Variants in SUPT3H observed in about 807,000 individuals in gnomAD.
SUPT3H encodes the protein SPT3 homolog, SAGA and STAGA complex component.
In SUPT3H, 44 loss-of-function variants were observed where a neutral mutation model predicts 44.3. That is an observed-to-expected ratio of 0.99 (90% CI 0.78 to 1.28). SUPT3H has a LOEUF of 1.28. Among genes scored for constraint, SUPT3H ranks in the 50% most tolerant of loss-of-function variants. SUPT3H has a pLI of 0.00. For synonymous variants in SUPT3H, 124 were observed against 125.6 expected, an observed-to-expected ratio of 0.99 and a Z score of 0.09; for missense variants, 380 against 387.1, an observed-to-expected ratio of 0.98 and a Z score of 0.15.
intron 2 of SUPT3H, among the ~76,000 whole-genome samples, chr6:45,181,647 A>G (rs1418900828): frequency 1.4e-5 from 2 of 146,132 alleles, no homozygotes; most frequent in Admixed American, 1.4e-4. Flanking sequence ...ATTCTCCCTC[A>G]TAAGTGGGAA....
At chr6:45,375,826 T>TAA (rs552598332) in intron 1 of SUPT3H, among the ~76,000 whole-genome samples, 7 of 145,206 alleles carry the variant, frequency 4.8e-5, no homozygotes, top group African/African-American at 1.5e-4. Context: ...ACACTTGCTT[T>TAA]AAAAAAAAAA....
intron 10 of SUPT3H, among the ~76,000 whole-genome samples, chr6:44,928,981 G>A (rs544614741): frequency 3.3e-5 from 5 of 151,544 alleles, no homozygotes; most frequent in East Asian, 1.9e-4. Flanking sequence ...GAGTGGGGAC[G>A]GATGGTGTGT....
At position 44,917,667 on chromosome 6, in the gene SUPT3H, A is replaced by G. The variant is rs979742313; in HGVS notation, c.912+14986T>C. ...AATGAAGCCTCATGAGTCTTTTAGA[A>G]TAAATACCTCCAGGCTAGGTGGGAC... On this transcript the variant is annotated intron_variant, in intron 10 of 10. Coordinates refer to ENST00000371459, the MANE Select transcript of SUPT3H (RefSeq NM_003599.4). Among the ~76,000 whole-genome samples, 14 of 152,208 alleles carry G rather than the reference A, an allele frequency of 9.2e-5. No individual in the cohort carries two copies. The East Asian group carries it at 2.5e-3, about 27-fold the overall frequency.
chr6:45,086,587 C>T (rs578070176), intron 3 of SUPT3H, among the ~76,000 whole-genome samples: 1 of 151,844 alleles, frequency 6.6e-6, no homozygotes. Flanking sequence ...ATGTACATAA[C>T]AAAGCACTGG....
intron 2 of SUPT3H, among the ~76,000 whole-genome samples, chr6:45,286,022 C>A (rs1253421492): frequency 7.2e-6 from 1 of 138,580 alleles, no homozygotes; most frequent in Non-Finnish European, 1.5e-5. Context: ...ATAAATGGTG[C>A]TGGGAAAACT....
At chr6:44,909,696 G>C (rs974748904) in intron 10 of SUPT3H, among the ~76,000 whole-genome samples, 3 of 152,148 alleles carry the variant, frequency 2.0e-5, no homozygotes, top group Non-Finnish European at 4.4e-5. Context: ...CAGATGGAGA[G>C]AGGCGCATGG....
At chr6:45,374,392 C>T (rs57764980) in intron 1 of SUPT3H, among the ~76,000 whole-genome samples, 111 of 152,246 alleles carry the variant, frequency 7.3e-4, no homozygotes, top group African/African-American at 2.3e-3. Context: ...GATGCCATTA[C>T]CATCTTCATT....
chr6:44,947,272 C>G (rs1773501498), intron 9 of SUPT3H, among the ~76,000 whole-genome samples: 1 of 152,082 alleles, frequency 6.6e-6, no homozygotes, highest in South Asian at 2.1e-4. Context: ...CCTGCAATAT[C>G]TCTGAAGTAT....
chr6:45,201,100 A>T (rs1222095432), intron 2 of SUPT3H, among the ~76,000 whole-genome samples: 1 of 151,714 alleles, frequency 6.6e-6, no homozygotes, highest in East Asian at 1.9e-4. Context: ...AATTAAGTAT[A>T]CATGTTAACT....
chr6:45,271,488 G>A (rs865856290), intron 2 of SUPT3H, among the ~76,000 whole-genome samples: 6 of 152,184 alleles, frequency 3.9e-5, no homozygotes, highest in African/African-American at 7.2e-5. Context: ...CAGCTTCCAC[G>A]TGGTGTTGAG....
At chr6:44,817,252 T>G (rs1766978177) in intron 11 of SUPT3H, among the ~76,000 whole-genome samples, 5 of 151,500 alleles carry the variant, frequency 3.3e-5, no homozygotes. Context: ...AAAAACTCAT[T>G]GTCTTCAAGG....
At chr6:45,220,443 C>T (rs1356274957) in intron 2 of SUPT3H, among the ~76,000 whole-genome samples, 1 of 151,906 alleles carries the variant, frequency 6.6e-6, no homozygotes, top group African/African-American at 2.4e-5. Context: ...TTCCCAACAA[C>T]CAAAAAATGA....
intron 10 of SUPT3H, among the ~76,000 whole-genome samples, chr6:44,901,879 A>G (rs1314821032): frequency 6.6e-6 from 1 of 152,328 alleles, no homozygotes; most frequent in South Asian, 2.1e-4. Context: ...CAACATTCTT[A>G]AAGAAAAGGA....
At chr6:45,196,561 T>C (rs191537805) in intron 2 of SUPT3H, among the ~76,000 whole-genome samples, 289 of 152,152 alleles carry the variant, frequency 1.9e-3, no homozygotes, top group African/African-American at 6.7e-3. Context: ...CTTGATAAAA[T>C]AGAGCAATAG....
rs761350903 is a variant in SUPT3H at position 44,830,118 on chromosome 6, C to CTGAT, written c.913-265_913-262dup. 3.9e-5 allele frequency among the ~76,000 whole-genome samples: 6 copies of CTGAT among 152,254 alleles called. No homozygotes were observed. In the South Asian group the frequency reaches 1.0e-3, roughly 26 times the overall value. The stretch of plus-strand genomic sequence containing the variant: ...AAAATAAGACATCCCATTTTGTTAA[C>CTGAT]TGATTGGGCTTGGTTAGGCCAAAGA... On this transcript the variant is annotated intron_variant, in intron 10 of 10. Coordinates refer to ENST00000371459, the MANE Select transcript of SUPT3H (RefSeq NM_003599.4).
chr6:44,992,169 A>G (rs1471126442), intron 6 of SUPT3H, among the ~76,000 whole-genome samples: 1 of 152,224 alleles, frequency 6.6e-6, no homozygotes, highest in African/African-American at 2.4e-5. Flanking sequence ...AACAAGCTAG[A>G]AGACTGATCT....
intron 2 of SUPT3H, among the ~76,000 whole-genome samples, chr6:45,130,480 A>G (rs1244329276): frequency 6.6e-6 from 1 of 151,978 alleles, no homozygotes; most frequent in African/African-American, 2.4e-5. Context: ...CAATGCTGCT[A>G]TGAACATTTG....
chr6:45,123,342 T>A (rs948581454), intron 2 of SUPT3H, among the ~76,000 whole-genome samples: 3 of 151,942 alleles, frequency 2.0e-5, no homozygotes, highest in South Asian at 2.1e-4. Context: ...TCAATTTTTT[T>A]AAGTGTGAAT....
intron 2 of SUPT3H, among the ~76,000 whole-genome samples, chr6:45,270,376 G>A (rs1775924674): frequency 6.6e-6 from 1 of 152,114 alleles, no homozygotes; most frequent in Non-Finnish European, 1.5e-5. Context: ...GGTGTTGTGG[G>A]AGGCACCCAG....
Sources: allele counts gnomAD v4.1 joint callset (sites outside exome capture counted in the v4.1 genomes callset), GRCh38; gene constraint gnomAD v4.1.1; transcripts MANE v1.5; gene names NCBI Gene and HGNC (gene_info 2026-07-23, HGNC 2026-07-21).